Variants in PICALM observed in about 807,000 individuals in gnomAD.
The protein encoded by PICALM is phosphatidylinositol binding clathrin assembly protein.
PICALM carries 40 observed loss-of-function variants against 80.5 expected under a neutral mutation model. The ratio of observed to expected loss-of-function variants is 0.50; its 90% CI spans 0.39 to 0.65. The LOEUF (loss-of-function observed/expected upper bound fraction) is 0.65. Among genes scored for constraint, PICALM ranks in the 30% least tolerant of loss-of-function variants. The pLI is 0.00. For missense variants in PICALM, 676 were observed against 778.9 expected (o/e 0.87, Z 1.57); for synonymous variants, 288 against 260.3 (o/e 1.11, Z -1.02).
intron 1 of PICALM, among the ~76,000 whole-genome samples, chr11:86,039,368 C>T (rs2095905348): frequency 6.6e-6 from 1 of 152,062 alleles, no homozygotes; most frequent in African/African-American, 2.4e-5. Flanking sequence ...AACCACTGCC[C>T]TCCAGCCTGG....
intron 1 of PICALM, among the ~76,000 whole-genome samples, chr11:86,039,507 T>C (rs2095909576): frequency 6.6e-6 from 1 of 152,130 alleles, no homozygotes. Context: ...ATGACAGCAC[T>C]TTCCCTCTCT....
chr11:85,988,727 A>C (rs1476178033), intron 13 of PICALM, among the ~76,000 whole-genome samples: 2 of 152,196 alleles, frequency 1.3e-5, no homozygotes, highest in Non-Finnish European at 2.9e-5. Context: ...GGGATGGGTA[A>C]TCAAGAAAAA....
intron 17 of PICALM, among the ~76,000 whole-genome samples, chr11:85,980,006 A>G (rs1284317780): frequency 6.6e-6 from 1 of 152,196 alleles, no homozygotes; most frequent in African/African-American, 2.4e-5. Flanking sequence ...ACTAGATGCT[A>G]ATTATTTAAT....
At chr11:86,026,270 A>G (rs775468753) in intron 3 of PICALM, 22 bp downstream of exon 3, 3 of 1,327,844 alleles carry the variant, frequency 2.3e-6, no homozygotes, top group African/African-American at 1.4e-5. Flanking sequence ...TTGATTTTCT[A>G]TAATGTAAAA....
At chr11:86,016,788 C>T (rs554373296) in intron 4 of PICALM, among the ~76,000 whole-genome samples, 1 of 152,312 alleles carries the variant, frequency 6.6e-6, no homozygotes, top group Admixed American at 6.5e-5. Flanking sequence ...TCTTCGAATC[C>T]TCTTCTCTTT....
At chr11:86,045,495 A>G (rs1256074130) in intron 1 of PICALM, among the ~76,000 whole-genome samples, 1 of 138,868 alleles carries the variant, frequency 7.2e-6, no homozygotes, top group Non-Finnish European at 1.5e-5. Context: ...CCTAGGCAAC[A>G]TAGTGAGACC....
rs367940264 is a variant in PICALM at position 85,983,969 on chromosome 11, G to T, written c.1413C>A (p.Phe471Leu). The T allele has an allele frequency of 2.0e-6, 3 of 1,531,222 alleles. No individual in the cohort carries two copies. Among genetic ancestry groups the T allele is most frequent in the Non-Finnish European group, 1.8e-6 (2 of 1,109,222 alleles). 94.9% of individuals were successfully genotyped at this position (1,531,222 alleles called of 1,614,324 possible). Residue 471 changes from phenylalanine to leucine, a missense_variant, in exon 14 of 20, where the codon TTC becomes TTA. Physicochemically the swap from Phe to Leu is conservative, Grantham distance 22. This residue lies in a region of PICALM where 391 missense variants were observed against 383.6 expected (regional missense o/e 1.02). Transcript: ENST00000393346. ...GTGGCTGTGCAACTGGAGAAGGAGT[G>T]AATCCTGAGTAAACCAAAATGGAAA... is the stretch of plus-strand genomic sequence containing the variant. ...RTPTHEMFVG[F>L]TPSPVAQPHP...
At chr11:86,049,016 G>C (rs183364752) in intron 1 of PICALM, among the ~76,000 whole-genome samples, 4 of 152,212 alleles carry the variant, frequency 2.6e-5, no homozygotes, top group African/African-American at 9.6e-5. Context: ...CAGAGGGCCG[G>C]GTGCGGTGGC....
At position 86,056,134 on chromosome 11, in the gene PICALM, T is replaced by TAA. The variant is rs376759395; in HGVS notation, c.130+12516_130+12517insTT. 3.1e-3 allele frequency among the ~76,000 whole-genome samples: 242 copies of TAA among 76,850 alleles called. 25 individuals are homozygous for TAA. Among genetic ancestry groups the TAA allele is most frequent in the African/African-American group, 0.011 (217 of 20,518 alleles). 50.4% of individuals were successfully genotyped at this position (76,850 alleles called of 152,430 possible). ...TGGGTGACAGAACAAGACTCTGTCT[T>TAA]TAAAAAAAAAAAAAAAGAAAAAACC... is the stretch of plus-strand genomic sequence containing the variant. On this transcript the variant is annotated intron_variant, in intron 1 of 19. Transcript: ENST00000393346.
chr11:86,041,875 A>C (rs1473079664), intron 1 of PICALM, among the ~76,000 whole-genome samples: 1 of 152,244 alleles, frequency 6.6e-6, no homozygotes, highest in Non-Finnish European at 1.5e-5. Flanking sequence ...AGTCATGAAA[A>C]TGCTCTATAG....
intron 8 of PICALM, among the ~76,000 whole-genome samples, chr11:86,007,117 T>G (rs992045319): frequency 6.6e-6 from 1 of 152,172 alleles, no homozygotes; most frequent in African/African-American, 2.4e-5. Context: ...TTGTGGTTTA[T>G]CCCTAAATTA....
chr11:86,019,552 G>A lies in PICALM; in HGVS notation c.452+2815C>T, dbSNP rs1003243873. 1.2e-4 allele frequency among the ~76,000 whole-genome samples: 18 copies of A among 152,244 alleles called. No homozygotes were observed. The South Asian group carries it at 2.3e-3, about 19-fold the overall frequency. On this transcript the variant is annotated intron_variant, in intron 4 of 19. Transcript: ENST00000393346. ...TTCTGAAATCTGTAAATACACTGAAGATCAACTTCACTGAAGACACTTTAC... is the reference window on the plus strand; with the variant it reads ...TTCTGAAATCTGTAAATACACTGAAAATCAACTTCACTGAAGACACTTTAC...
chr11:85,984,901 T>C (rs912161636), intron 13 of PICALM, among the ~76,000 whole-genome samples: 1 of 152,132 alleles, frequency 6.6e-6, no homozygotes, highest in African/African-American at 2.4e-5. Context: ...GTCATGTGAT[T>C]TGGAGAACTT....
Position 86,008,474 on chromosome 11 carries a change from G to A in PICALM, c.766-891C>T, listed in dbSNP as rs529555279. The stretch of plus-strand genomic sequence containing the variant: ...AGCTCTACTAAAAATACAAAAATTA[G>A]CCGGGCATGGTGGCAGGCACCTGTA... On this transcript the variant is annotated intron_variant, in intron 7 of 19. Coordinates refer to ENST00000393346, the MANE Select transcript of PICALM (RefSeq NM_007166.4). Among the ~76,000 whole-genome samples the A allele has an allele frequency of 5.9e-5, 9 of 152,170 alleles. No homozygotes were observed. The South Asian group carries it at 1.7e-3, about 28-fold the overall frequency.
chr11:86,012,470 A>T, intron 5 of PICALM, 78 bp from the exon 6 acceptor site: 6 of 805,670 alleles, frequency 7.4e-6, no homozygotes, highest in Non-Finnish European at 1.3e-5. Flanking sequence ...CTTCAAATTA[A>T]GATACAGTAA....
At chr11:86,054,814 T>G (rs2137454315) in intron 1 of PICALM, among the ~76,000 whole-genome samples, 1 of 152,288 alleles carries the variant, frequency 6.6e-6, no homozygotes, top group Non-Finnish European at 1.5e-5. Context: ...TCACTCTTGT[T>G]GCTCAGGCTG....
intron 5 of PICALM, among the ~76,000 whole-genome samples, chr11:86,012,981 T>A (rs188954277): frequency 4.9e-3 from 748 of 152,162 alleles, no homozygotes; most frequent in Non-Finnish European, 5.5e-3. Context: ...TTCCTGAACA[T>A]CAGACTATAT....
chr11:86,029,676 T>C lies in PICALM; in HGVS notation c.273+1793A>G, dbSNP rs538560654. Among the ~76,000 whole-genome samples, 114 of 152,354 alleles carry C rather than the reference T, an allele frequency of 7.5e-4. 1 individual carries two copies. Among genetic ancestry groups the C allele is most frequent in the Non-Finnish European group, 7.6e-4 (52 of 68,034 alleles). On this transcript the variant is annotated intron_variant, in intron 2 of 19. Coordinates refer to ENST00000393346, the MANE Select transcript of PICALM (RefSeq NM_007166.4). ...TATCTGGCAGTGTAGCTGGTTATATTTGTGGCTTTTTCTTTTTAAAAAATA... is the reference window on the plus strand; with the variant it reads ...TATCTGGCAGTGTAGCTGGTTATATCTGTGGCTTTTTCTTTTTAAAAAATA...
chr11:86,035,947 CAAAA>C (rs543040504), intron 1 of PICALM, among the ~76,000 whole-genome samples: 1 of 66,500 alleles, frequency 1.5e-5, no homozygotes, highest in African/African-American at 5.9e-5. Flanking sequence ...GACTCTGCCT[CAAAA>C]AAAAAAAAAA....
Sources: allele counts gnomAD v4.1 joint callset (sites outside exome capture counted in the v4.1 genomes callset), GRCh38; gene constraint gnomAD v4.1.1; regional missense constraint gnomAD v4.1.1; transcripts MANE v1.5; gene names NCBI Gene and HGNC (gene_info 2026-07-23, HGNC 2026-07-21).